DYNC1LI1: variants seen among roughly 807,000 people sequenced by gnomAD.
The protein encoded by DYNC1LI1 is dynein cytoplasmic 1 light intermediate chain 1.
Under a neutral mutation model 63.8 loss-of-function variants are expected in DYNC1LI1, and 19 were observed. The observed-to-expected ratio is 0.30, with a 90% CI of 0.21 to 0.44. DYNC1LI1 has a LOEUF of 0.44. Among genes scored for constraint, DYNC1LI1 ranks in the 20% least tolerant of loss-of-function variants. The probability of loss-of-function intolerance (pLI) is 1.00; values close to 1 mark genes in which losing one functional copy is unlikely to be tolerated. For missense variants in DYNC1LI1, 565 were observed against 630.2 expected (o/e 0.90, Z 1.11); for synonymous variants, 225 against 232.3 (o/e 0.97, Z 0.28).
intron 12 of DYNC1LI1, 39 bp from the exon 13 acceptor site, chr3:32,526,947 T>C (rs1697627331): frequency 7.0e-7 from 1 of 1,419,072 alleles, no homozygotes; most frequent in South Asian, 1.2e-5. Flanking sequence ...GATTTAGATA[T>C]AAGTGAAAGT....
At chr3:32,544,203 A>G (rs1419987812) in intron 4 of DYNC1LI1, among the ~76,000 whole-genome samples, 2 of 152,228 alleles carry the variant, frequency 1.3e-5, no homozygotes, top group Non-Finnish European at 2.9e-5. Context: ...AACCATTTTA[A>G]TATCTTTATA....
chr3:32,545,593 G>A, intron 3 of DYNC1LI1: 1 of 434,248 alleles, frequency 2.3e-6, no homozygotes, highest in South Asian at 3.1e-5. Context: ...AAGATGAACT[G>A]AAAAACTGAG....
Position 32,528,488 on chromosome 3 carries a change from C to T in DYNC1LI1, c.1420G>A (p.Gly474Arg), listed in dbSNP as rs1408191050. 10 of 1,614,176 alleles carry T rather than the reference C, an allele frequency of 6.2e-6. No homozygotes were observed. The highest frequency in any genetic ancestry group is 8.5e-6 in the Non-Finnish European group (10 of 1,180,018). ...GGTGGTAAACCACTGCTTCCACCTC[C>T]AGCCCCACCTGCAGGGCTACCACCA... ...VSGGSPAGGA[G>R]GGSSGLPPST... is the part of the protein sequence containing the mutation. The change falls in exon 12 of 13, where the codon GGA becomes AGA. Residue 474 changes from glycine (G) to arginine (R), a missense_variant. Transcript: ENST00000273130.
intron 2 of DYNC1LI1, among the ~76,000 whole-genome samples, chr3:32,568,888 G>C (rs1192799313): frequency 6.6e-6 from 1 of 152,054 alleles, no homozygotes; most frequent in Non-Finnish European, 1.5e-5. Flanking sequence ...GTTTAAATTA[G>C]TAAACTAAAA....
rs144668692 is a variant in DYNC1LI1 at position 32,560,119 on chromosome 3, G to A, written c.220+10227C>T. On this transcript the variant is annotated intron_variant, in intron 2 of 12. Coordinates refer to ENST00000273130, the MANE Select transcript of DYNC1LI1 (RefSeq NM_016141.4). ...ACATGTCAAGGGGTGCCTGTAGAGC[G>A]AAAAGACAAACCCAATTTTGAATTC... is the stretch of plus-strand genomic sequence containing the variant. 1.3e-3 allele frequency among the ~76,000 whole-genome samples: 204 copies of A among 152,248 alleles called. 2 individuals carry two copies. The highest frequency in any genetic ancestry group is 6.2e-3 in the South Asian group (30 of 4,830).
intron 2 of DYNC1LI1, among the ~76,000 whole-genome samples, chr3:32,558,403 TAAAAA>T (rs533076265): frequency 5.5e-5 from 5 of 90,388 alleles, no homozygotes; most frequent in East Asian, 3.0e-4. Flanking sequence ...TTTAAAAATG[TAAAAA>T]AAAAAAAAAA....
intron 10 of DYNC1LI1, 22 bp from the exon 11 acceptor site, chr3:32,529,682 C>T: frequency 7.1e-6 from 11 of 1,554,842 alleles, no homozygotes; most frequent in Non-Finnish European, 9.5e-6. Context: ...TAGGAAAATA[C>T]AATTATAAAA....
intron 12 of DYNC1LI1, among the ~76,000 whole-genome samples, chr3:32,527,202 CAGG>C (rs1051800695): frequency 6.5e-4 from 99 of 152,268 alleles, no homozygotes; most frequent in African/African-American, 2.3e-3. Context: ...GAGGCTGAGG[CAGG>C]AGAACTGCTT....
chr3:32,544,778 T>G, intron 4 of DYNC1LI1, 98 bp downstream of exon 4: 1 of 830,370 alleles, frequency 1.2e-6, no homozygotes, highest in South Asian at 1.7e-5. Flanking sequence ...ATATGCTTAC[T>G]TCATTAAACC....
chr3:32,540,900 A>C, intron 5 of DYNC1LI1, 137 bp downstream of exon 5: 3 of 554,366 alleles, frequency 5.4e-6, no homozygotes, highest in Non-Finnish European at 9.2e-6. Flanking sequence ...ATCATTAAAT[A>C]CTTTAAACTA....
At chr3:32,566,044 G>A (rs933324068) in intron 2 of DYNC1LI1, among the ~76,000 whole-genome samples, 3 of 152,204 alleles carry the variant, frequency 2.0e-5, no homozygotes, top group Admixed American at 1.3e-4. Context: ...TGAGGTGAGA[G>A]AAGGACTGCT....
intron 2 of DYNC1LI1, among the ~76,000 whole-genome samples, chr3:32,556,800 T>C (rs956794184): frequency 6.6e-6 from 1 of 152,132 alleles, no homozygotes; most frequent in Non-Finnish European, 1.5e-5. Flanking sequence ...TCCTAAAATG[T>C]TATGGTAACA....
chr3:32,538,034 A>AAT (rs71630524), intron 5 of DYNC1LI1, among the ~76,000 whole-genome samples: 1 of 10,094 alleles, frequency 9.9e-5, no homozygotes, highest in Non-Finnish European at 1.3e-4. Flanking sequence ...TTATATATAT[A>AAT]ATATATATAT....
intron 5 of DYNC1LI1, among the ~76,000 whole-genome samples, chr3:32,538,497 G>C (rs896424918): frequency 6.6e-6 from 1 of 151,990 alleles, no homozygotes; most frequent in East Asian, 1.9e-4. Context: ...TCAGGAGATC[G>C]AGACCATCCT....
chr3:32,537,024 C>G lies in DYNC1LI1; in HGVS notation c.819G>C (p.Lys273Asn), dbSNP rs776689899. The change falls in exon 6 of 13, where the codon AAG becomes AAC. Residue 273 changes from lysine to asparagine, a missense_variant. By Grantham distance (94) the Lys-to-Asn change is moderately conservative. Transcript: ENST00000273130. ...TTAAAAGGATACACTGTAAACAAAA[C>G]TTCCGGATATGTGACTGAATAAAAT... ...HFDFIQSHIR[K>N]FCLQYGAALI... 2.1e-5 allele frequency: 34 copies of G among 1,585,872 alleles called. No homozygotes were observed. In the East Asian group the frequency reaches 7.5e-4, roughly 35 times the overall value.
chr3:32,567,109 G>A (rs531030145), intron 2 of DYNC1LI1, among the ~76,000 whole-genome samples: 1 of 152,196 alleles, frequency 6.6e-6, no homozygotes, highest in Non-Finnish European at 1.5e-5. Flanking sequence ...GACAGGCTTT[G>A]AGTAGAAAGA....
At chr3:32,536,950 T>G in intron 6 of DYNC1LI1, 61 bp downstream of exon 6, 1 of 975,086 alleles carries the variant, frequency 1.0e-6, no homozygotes, top group Non-Finnish European at 1.6e-6. Flanking sequence ...TTCTTTTAAC[T>G]TTAAAAAACT....
rs778315903 is a variant in DYNC1LI1 at position 32,530,440 on chromosome 3, G to T, written c.1140+21C>A. On this transcript the variant is annotated intron_variant, in intron 9 of 12. Transcript: ENST00000273130. ...TTTACCCATTAACCATACTAAGTCT[G>T]CTTCTGATATAATTTCATACCTGTA... 1.9e-6 allele frequency: 3 copies of T among 1,611,218 alleles called. No homozygotes were observed. The East Asian group carries it at 6.7e-5, about 36-fold the overall frequency.
chr3:32,570,204 C>A, intron 2 of DYNC1LI1, 142 bp downstream of exon 2: 1 of 764,398 alleles, frequency 1.3e-6, no homozygotes, highest in Non-Finnish European at 2.3e-6. Flanking sequence ...TCTCTCCCAG[C>A]CATCCGCGAC....
Sources: allele counts gnomAD v4.1 joint callset (sites outside exome capture counted in the v4.1 genomes callset), GRCh38; gene constraint gnomAD v4.1.1; transcripts MANE v1.5; gene names NCBI Gene and HGNC (gene_info 2026-07-23, HGNC 2026-07-21).